LUZP2: variants seen among roughly 807,000 people sequenced by gnomAD.
LUZP2 encodes the protein leucine zipper protein 2.
Under a neutral mutation model 51.6 loss-of-function variants are expected in LUZP2, and 52 were observed. That is an observed-to-expected ratio of 1.01 (90% confidence interval 0.81 to 1.27). LUZP2 has a LOEUF of 1.27. LUZP2 is among the 50% of genes most tolerant of loss of function. The pLI, the probability that LUZP2 is intolerant of heterozygous loss-of-function variation, is 0.00. For synonymous variants in LUZP2, 154 were observed against 137.3 expected, an observed-to-expected ratio of 1.12 and a Z score of -0.85; for missense variants, 436 against 395.4, an observed-to-expected ratio of 1.10 and a Z score of -0.87.
intron 7 of LUZP2, among the ~76,000 whole-genome samples, chr11:24,922,770 G>C (rs1358179701): frequency 1.4e-5 from 2 of 139,658 alleles, no homozygotes; most frequent in Non-Finnish European, 3.1e-5. Context: ...CCAAGACCCA[G>C]AGAAGTTATA....
At chr11:24,619,365 A>G (rs1854415319) in intron 1 of LUZP2, among the ~76,000 whole-genome samples, 1 of 152,094 alleles carries the variant, frequency 6.6e-6, no homozygotes, top group South Asian at 2.1e-4. Context: ...GATTTCTTTT[A>G]CATACATTTG....
At chr11:24,755,025 A>G (rs1253594102) in intron 4 of LUZP2, among the ~76,000 whole-genome samples, 7 of 151,942 alleles carry the variant, frequency 4.6e-5, no homozygotes, top group Non-Finnish European at 1.5e-5. Flanking sequence ...GGGGCTTGTA[A>G]TCCCAGCTAC....
intron 7 of LUZP2, 52 bp from the exon 8 acceptor site, chr11:24,976,539 T>C: frequency 7.9e-7 from 1 of 1,263,836 alleles, no homozygotes; most frequent in South Asian, 1.4e-5. Flanking sequence ...ATGCTTAAAG[T>C]ACAGAGGGAA....
chr11:24,987,643 CAA>C (rs761694393), intron 9 of LUZP2, among the ~76,000 whole-genome samples: 6 of 151,852 alleles, frequency 4.0e-5, no homozygotes, highest in African/African-American at 9.7e-5. Flanking sequence ...TTGTAAATGC[CAA>C]AGTCTTTCCA....
chr11:24,828,558 G>GAA lies in LUZP2; in HGVS notation c.396+65266_396+65267dup, dbSNP rs57464249. On this transcript the variant is annotated intron_variant, in intron 5 of 11. Transcript: ENST00000336930. ...TTGCACAGCTACCATCCCTGTGGCA[G>GAA]AAAAAAAAAAAAAAAAACATATCTA... Among the ~76,000 whole-genome samples, 1,103 of 134,978 alleles carry GAA rather than the reference G, an allele frequency of 8.2e-3. 7 individuals are homozygous for GAA. The highest frequency in any genetic ancestry group is 0.051 in the Middle Eastern group (14 of 274). 88.6% of individuals were successfully genotyped at this position (134,978 alleles called of 152,430 possible).
intron 1 of LUZP2, among the ~76,000 whole-genome samples, chr11:24,654,536 T>C (rs962274160): frequency 1.3e-5 from 2 of 151,920 alleles, no homozygotes; most frequent in Non-Finnish European, 2.9e-5. Context: ...TGCCTCAGCC[T>C]CTGTTTCCCA....
At chr11:24,825,950 C>T (rs967947151) in intron 5 of LUZP2, among the ~76,000 whole-genome samples, 6 of 151,634 alleles carry the variant, frequency 4.0e-5, no homozygotes, top group African/African-American at 1.5e-4. Flanking sequence ...CTTTGGGAGG[C>T]CGAGGCGGGT....
intron 8 of LUZP2, among the ~76,000 whole-genome samples, chr11:24,979,898 T>G (rs1356367889): frequency 6.6e-6 from 1 of 151,806 alleles, no homozygotes; most frequent in Non-Finnish European, 1.5e-5. Context: ...GAAATCTTTT[T>G]GCAACCACAC....
At chr11:25,068,677 G>A (rs1023112575) in intron 10 of LUZP2, among the ~76,000 whole-genome samples, 6 of 151,938 alleles carry the variant, frequency 3.9e-5, no homozygotes, top group Non-Finnish European at 8.8e-5. Context: ...AGAACGCATT[G>A]ACTTCTTAGA....
chr11:24,518,773 T>C (rs966005575), intron 1 of LUZP2, among the ~76,000 whole-genome samples: 1 of 152,204 alleles, frequency 6.6e-6, no homozygotes, highest in Non-Finnish European at 1.5e-5. Flanking sequence ...GTGAACAGTT[T>C]GCAAACTGGG....
intron 1 of LUZP2, among the ~76,000 whole-genome samples, chr11:24,715,064 T>C (rs1157337547): frequency 6.6e-6 from 1 of 152,150 alleles, no homozygotes; most frequent in African/African-American, 2.4e-5. Context: ...CTTAGGTAAC[T>C]GACATTTACT....
chr11:24,850,563 C>T (rs957457879), intron 5 of LUZP2, among the ~76,000 whole-genome samples: 8 of 152,096 alleles, frequency 5.3e-5, no homozygotes, highest in African/African-American at 1.7e-4. Flanking sequence ...GTGATGCCTC[C>T]AGCTTTGTTC....
chr11:24,966,663 T>G (rs1437294559), intron 7 of LUZP2, among the ~76,000 whole-genome samples: 1 of 148,112 alleles, frequency 6.8e-6, no homozygotes, highest in African/African-American at 2.4e-5. Flanking sequence ...TAACATATTT[T>G]ATACATTGTG....
At chr11:24,833,053 T>A (rs1350919157) in intron 5 of LUZP2, among the ~76,000 whole-genome samples, 5 of 152,208 alleles carry the variant, frequency 3.3e-5, no homozygotes, top group Admixed American at 6.5e-5. Flanking sequence ...AAGCAGTTGA[T>A]GAAGGGGTTT....
chr11:24,692,416 A>T (rs999879020), intron 1 of LUZP2, among the ~76,000 whole-genome samples: 3 of 152,130 alleles, frequency 2.0e-5, no homozygotes, highest in Admixed American at 1.3e-4. Flanking sequence ...TTCTAAGAAT[A>T]TACGGTCTTT....
intron 1 of LUZP2, among the ~76,000 whole-genome samples, chr11:24,559,992 G>A (rs1000745241): frequency 6.6e-6 from 1 of 152,070 alleles, no homozygotes; most frequent in Non-Finnish European, 1.5e-5. Context: ...CAGGATAGGG[G>A]AGGGATAGCA....
chr11:24,536,515 A>C (rs1851185250), intron 1 of LUZP2, among the ~76,000 whole-genome samples: 1 of 151,754 alleles, frequency 6.6e-6, no homozygotes, highest in African/African-American at 2.4e-5. Context: ...TCTTTCCTTA[A>C]ATCTTATGAA....
chr11:24,773,629 G>GTGAA (rs1848819297), intron 5 of LUZP2, among the ~76,000 whole-genome samples: 1 of 152,146 alleles, frequency 6.6e-6, no homozygotes, highest in African/African-American at 2.4e-5. Flanking sequence ...TCACAAAGGT[G>GTGAA]TGTGAATTAT....
chr11:24,992,631 G>A (rs1004989867), intron 9 of LUZP2, among the ~76,000 whole-genome samples: 5 of 152,072 alleles, frequency 3.3e-5, no homozygotes, highest in Non-Finnish European at 7.4e-5. Context: ...ACATGTCAGA[G>A]TTACTTCCAG....
Sources: allele counts gnomAD v4.1 joint callset (sites outside exome capture counted in the v4.1 genomes callset), GRCh38; gene constraint gnomAD v4.1.1; transcripts MANE v1.5; gene names NCBI Gene and HGNC (gene_info 2026-07-23, HGNC 2026-07-21).